The following GPC6 variants were observed in gnomAD, a reference collection of about 807,000 sequenced individuals.
The protein encoded by GPC6 is glypican 6.
Under a neutral mutation model 55.2 loss-of-function variants are expected in GPC6, and 14 were observed. That is an observed-to-expected ratio of 0.25 (90% CI 0.17 to 0.40). The LOEUF is 0.40. Ranked by LOEUF, GPC6 falls within the 10% of genes least tolerant of loss-of-function variation. GPC6 has a pLI of 1.00. For missense variants in GPC6, 641 were observed against 708.5 expected (o/e 0.90, Z 1.08); for synonymous variants, 278 against 259.6 (o/e 1.07, Z -0.68).
At chr13:94,151,217 A>T (rs1363578315) in intron 4 of GPC6, among the ~76,000 whole-genome samples, 1 of 152,116 alleles carries the variant, frequency 6.6e-6, no homozygotes, top group Non-Finnish European at 1.5e-5. Flanking sequence ...TGTGAAAATG[A>T]AATATATCAA....
chr13:94,064,996 A>T (rs377535961), intron 4 of GPC6, among the ~76,000 whole-genome samples: 1 of 152,160 alleles, frequency 6.6e-6, no homozygotes, highest in South Asian at 2.1e-4. Flanking sequence ...ACTTCACAGA[A>T]AAAGGATCAG....
chr13:93,312,995 A>G (rs943622653), intron 1 of GPC6, among the ~76,000 whole-genome samples: 2 of 152,200 alleles, frequency 1.3e-5, no homozygotes, highest in Non-Finnish European at 2.9e-5. Flanking sequence ...AACCATTTTC[A>G]TATTTAATAG....
intron 1 of GPC6, among the ~76,000 whole-genome samples, chr13:93,329,737 G>A (rs1879775646): frequency 6.6e-6 from 1 of 151,982 alleles, no homozygotes; most frequent in South Asian, 2.1e-4. Context: ...AGCGTAAGTG[G>A]AAATGAGTTC....
At chr13:93,592,933 T>C (rs1220332982) in intron 2 of GPC6, among the ~76,000 whole-genome samples, 1 of 151,754 alleles carries the variant, frequency 6.6e-6, no homozygotes, top group Non-Finnish European at 1.5e-5. Context: ...TGGAAACCCT[T>C]GATTTGAAGA....
intron 6 of GPC6, among the ~76,000 whole-genome samples, chr13:94,353,727 A>T (rs778360897): frequency 6.6e-6 from 1 of 152,214 alleles, no homozygotes; most frequent in Non-Finnish European, 1.5e-5. Context: ...AATTTCATCC[A>T]GTCACCTGAC....
intron 8 of GPC6, 44 bp downstream of exon 8, chr13:94,398,685 A>T: frequency 6.4e-7 from 1 of 1,561,734 alleles, no homozygotes; most frequent in Non-Finnish European, 8.8e-7. Flanking sequence ...AAAGTAAAAA[A>T]TGGTTTTAGA....
intron 6 of GPC6, among the ~76,000 whole-genome samples, chr13:94,362,182 CA>C (rs1341427559): frequency 9.9e-5 from 15 of 152,214 alleles, no homozygotes; most frequent in East Asian, 7.7e-4. Context: ...AATTTTGTGT[CA>C]GGGGGAGTTT....
intron 7 of GPC6, among the ~76,000 whole-genome samples, chr13:94,393,977 G>A (rs145425996): frequency 6.6e-6 from 1 of 152,260 alleles, no homozygotes; most frequent in African/African-American, 2.4e-5. Context: ...GGAAACTTCT[G>A]TGGGGATGGT....
At chr13:94,116,321 C>T (rs1282423483) in intron 4 of GPC6, among the ~76,000 whole-genome samples, 3 of 151,728 alleles carry the variant, frequency 2.0e-5, no homozygotes, top group Non-Finnish European at 4.4e-5. Context: ...CGGTGGTGAA[C>T]GAGACAGATA....
chr13:94,299,833 C>CTAA (rs1386790932), intron 5 of GPC6, among the ~76,000 whole-genome samples: 49 of 152,278 alleles, frequency 3.2e-4, no homozygotes, highest in African/African-American at 1.2e-3. Flanking sequence ...ATGGCTGCAC[C>CTAA]TGGACAAATA....
chr13:93,317,460 T>C (rs1339013268), intron 1 of GPC6, among the ~76,000 whole-genome samples: 2 of 152,134 alleles, frequency 1.3e-5, no homozygotes, highest in African/African-American at 4.8e-5. Context: ...CAGGCGCCTC[T>C]TTGAATTCAC....
intron 2 of GPC6, among the ~76,000 whole-genome samples, chr13:93,683,045 G>T (rs1594369050): frequency 6.6e-6 from 1 of 151,702 alleles, no homozygotes. Flanking sequence ...AAAAGAAAAA[G>T]AAAAGAAAGA....
intron 3 of GPC6, among the ~76,000 whole-genome samples, chr13:94,020,126 T>C (rs1289584750): frequency 6.6e-6 from 1 of 152,204 alleles, no homozygotes; most frequent in Non-Finnish European, 1.5e-5. Flanking sequence ...TGATTTGAAA[T>C]CTTTCTTCTC....
chr13:94,117,149 T>C (rs1026055902), intron 4 of GPC6, among the ~76,000 whole-genome samples: 9 of 152,152 alleles, frequency 5.9e-5, no homozygotes, highest in African/African-American at 2.2e-4. Context: ...ACAAGCATTC[T>C]GCCTAATAAT....
intron 1 of GPC6, among the ~76,000 whole-genome samples, chr13:93,310,897 AT>A (rs1879044111): frequency 6.6e-6 from 1 of 152,124 alleles, no homozygotes; most frequent in African/African-American, 2.4e-5. Context: ...AACTACTACT[AT>A]TTTATTATAA....
chr13:93,586,063 G>A (rs190597206), intron 2 of GPC6, among the ~76,000 whole-genome samples: 3 of 151,932 alleles, frequency 2.0e-5, no homozygotes, highest in African/African-American at 7.3e-5. Flanking sequence ...CCATCACCCA[G>A]GTATTAAGCC....
chr13:93,258,595 T>A (rs1313676727), intron 1 of GPC6, among the ~76,000 whole-genome samples: 10 of 152,086 alleles, frequency 6.6e-5, no homozygotes, highest in Non-Finnish European at 1.3e-4. Context: ...GTAACTAAGC[T>A]CTGAATGGTG....
rs570690119 is a variant in GPC6, at chr13:93,234,356, C to A, written c.160+6740C>A. Among the ~76,000 whole-genome samples, 16 of 152,310 alleles carry A rather than the reference C, an allele frequency of 1.1e-4. No homozygotes were observed. The South Asian group carries it at 1.9e-3, about 18-fold the overall frequency. On this transcript the variant is annotated intron_variant, in intron 1 of 8. Transcript: ENST00000377047. Reference sequence around the variant, plus strand: ...CTGGGGGTCATGTCGTCCTCCCCCACCCCCATCAGTCCTGACATCCCTCAA... The same window carrying A: ...CTGGGGGTCATGTCGTCCTCCCCCAACCCCATCAGTCCTGACATCCCTCAA...
At chr13:93,868,520 C>G (rs1889038248) in intron 3 of GPC6, among the ~76,000 whole-genome samples, 1 of 151,888 alleles carries the variant, frequency 6.6e-6, no homozygotes, top group South Asian at 2.1e-4. Context: ...ATGTTCCTCT[C>G]CTCACGAGTG....
Sources: gnomAD v4.1 joint callset for allele counts (sites outside exome capture counted in the v4.1 genomes callset) on GRCh38, gnomAD v4.1.1 for gene constraint, MANE v1.5 for transcripts, NCBI Gene and HGNC (gene_info 2026-07-23, HGNC 2026-07-21) for gene names.